The following CDKL5 variants were observed in gnomAD, a reference collection of about 807,000 sequenced individuals.
CDKL5 encodes cyclin dependent kinase like 5, also known as cyclin-dependent kinase-like 5.
In CDKL5, 8 loss-of-function variants were observed where a neutral mutation model predicts 61.7. The observed-to-expected ratio is 0.13, with a 90% confidence interval of 0.08 to 0.23. The LOEUF is 0.23. Among genes scored for constraint, CDKL5 ranks in the 10% least tolerant of loss-of-function variants. The pLI, the probability that CDKL5 is intolerant of heterozygous loss-of-function variation, is 1.00. For missense variants in CDKL5, 440 were observed against 734.5 expected (o/e 0.60, Z 4.63); for synonymous variants, 275 against 272.3 (o/e 1.01, Z -0.10).
intron 9 of CDKL5, among the ~76,000 whole-genome samples, chrX:18,590,925 G>A (rs766546042): frequency 5.4e-5 from 6 of 111,315 alleles, no homozygotes; most frequent in Admixed American, 9.6e-5. Flanking sequence ...ACCTCATCTC[G>A]TACCTATCTC....
chrX:18,489,523 A>G (rs1311944943), intron 1 of CDKL5, among the ~76,000 whole-genome samples: 1 of 110,808 alleles, frequency 9.0e-6, no homozygotes, highest in Non-Finnish European at 1.9e-5. Flanking sequence ...GCATAATAAG[A>G]ACCTTGGTCT....
intron 1 of CDKL5, among the ~76,000 whole-genome samples, chrX:18,465,434 G>A (rs1932379066): frequency 9.0e-6 from 1 of 111,483 alleles, no homozygotes; most frequent in South Asian, 3.7e-4. Context: ...GGGAGGCCGA[G>A]GTGGGCGGAT....
At chrX:18,607,501 A>G (rs1444668789) in intron 12 of CDKL5, among the ~76,000 whole-genome samples, 2 of 112,530 alleles carry the variant, frequency 1.8e-5, no homozygotes, top group Admixed American at 1.9e-4. Flanking sequence ...AATTCCAGGA[A>G]AAGAATTTTT....
Position 18,478,960 on chromosome X carries a change from C to T in CDKL5, c.-162-27975C>T, listed in dbSNP as rs368264094. Among the ~76,000 whole-genome samples the T allele has an allele frequency of 2.4e-4, 27 of 111,462 alleles. 1 individual carries two copies. The highest frequency in any genetic ancestry group is 1.7e-3 in the East Asian group (6 of 3,537). ...TGAACTCCTGACCTCAAGTGATCTGCCTGCCTTGGCCTCCCAAAGTGCTGG... is the reference window on the plus strand; with the variant it reads ...TGAACTCCTGACCTCAAGTGATCTGTCTGCCTTGGCCTCCCAAAGTGCTGG... On this transcript the variant is annotated intron_variant, in intron 1 of 17. Coordinates refer to ENST00000623535, the MANE Select transcript of CDKL5 (RefSeq NM_001323289.2).
intron 1 of CDKL5, among the ~76,000 whole-genome samples, chrX:18,448,261 A>T (rs903669807): frequency 1.8e-5 from 2 of 112,056 alleles, no homozygotes; most frequent in Admixed American, 9.5e-5. Flanking sequence ...ACAGTTGCCA[A>T]TGTGATATAA....
chrX:18,528,016 A>G (rs1923505967), intron 3 of CDKL5, among the ~76,000 whole-genome samples: 1 of 111,252 alleles, frequency 9.0e-6, no homozygotes, highest in South Asian at 3.7e-4. Flanking sequence ...TGTTTTTGTT[A>G]CTGATTTCTA....
chrX:18,648,480 G>T (rs1236559158), intron 20 of CDKL5, among the ~76,000 whole-genome samples: 5 of 110,580 alleles, frequency 4.5e-5, no homozygotes, highest in Non-Finnish European at 9.5e-5. Flanking sequence ...GGGCTCAAGG[G>T]ATCCACCTGC....
In CDKL5 at chrX:18,638,237, T is replaced by A. The variant is rs1435047929; in HGVS notation, c.*9480T>A. ...CAGAGTACCCGAATCAGCTCAGATT[T>A]TTTTTCCTTAATATTGGCAACACTT... On this transcript the variant is annotated 3_prime_UTR_variant, in exon 18 of 18. Transcript: ENST00000623535. The A allele has an allele frequency of 8.9e-6, 1 of 112,250 alleles. No individual in the cohort carries two copies. Among genetic ancestry groups the A allele is most frequent in the Non-Finnish European group, 1.9e-5 (1 of 53,291 alleles). The allele number at this position is 112,250 out of a possible 1,213,427, so 9.3% of individuals were successfully genotyped here.
intron 3 of CDKL5, among the ~76,000 whole-genome samples, chrX:18,544,030 C>T (rs1450407900): frequency 1.8e-5 from 2 of 111,828 alleles, no homozygotes; most frequent in African/African-American, 6.5e-5. Context: ...TAGTGCTTCC[C>T]TGGCCCCAAC....
intron 1 of CDKL5, among the ~76,000 whole-genome samples, chrX:18,445,827 A>G (rs191165868): frequency 3.6e-5 from 4 of 111,339 alleles, no homozygotes; most frequent in Admixed American, 9.6e-5. Context: ...TTTATAAAAT[A>G]AATTACCCAA....
intron 1 of CDKL5, among the ~76,000 whole-genome samples, chrX:18,480,800 C>A (rs1433757965): frequency 9.3e-6 from 1 of 107,931 alleles, no homozygotes; most frequent in Non-Finnish European, 1.9e-5. Context: ...ACATAGCACA[C>A]TTCTTCTTCC....
chrX:18,592,126 G>A (rs969221041), intron 9 of CDKL5, among the ~76,000 whole-genome samples: 6 of 112,339 alleles, frequency 5.3e-5, no homozygotes, highest in African/African-American at 1.9e-4. Context: ...GCTGTATGCC[G>A]GATTCTCTGA....
downstream of CDKL5, chrX:18,641,879 C>T: frequency 1.4e-6 from 1 of 708,121 alleles, no homozygotes; most frequent in South Asian, 2.3e-5. Flanking sequence ...AATTATCTAC[C>T]CAGCACTGCA....
chrX:18,486,151 A>G (rs1320016088), intron 1 of CDKL5, among the ~76,000 whole-genome samples: 1 of 111,383 alleles, frequency 9.0e-6, no homozygotes, highest in Non-Finnish European at 1.9e-5. Context: ...GCATTCACCG[A>G]ACACTCATTT....
At chrX:18,619,326 T>C (rs778363178) in intron 15 of CDKL5, among the ~76,000 whole-genome samples, 14 of 111,046 alleles carry the variant, frequency 1.3e-4, no homozygotes, top group Non-Finnish European at 2.6e-4. Flanking sequence ...TATTTAGTTT[T>C]AATAAATACA....
chrX:18,614,833 G>C (rs1349909236), intron 15 of CDKL5, among the ~76,000 whole-genome samples: 1 of 112,432 alleles, frequency 8.9e-6, no homozygotes, highest in Non-Finnish European at 1.9e-5. Context: ...GAATACAGAA[G>C]TGCAGAAGGA....
intron 20 of CDKL5, among the ~76,000 whole-genome samples, chrX:18,649,314 C>T (rs1360556506): frequency 9.0e-6 from 1 of 111,521 alleles, no homozygotes; most frequent in Non-Finnish European, 1.9e-5. Context: ...TAGCTCTCTG[C>T]AACTCTAACT....
intron 3 of CDKL5, among the ~76,000 whole-genome samples, chrX:18,553,465 CGTGT>C (rs201802099): frequency 0.026 from 2,393 of 90,748 alleles, 27 homozygotes; most frequent in Middle Eastern, 0.035. Context: ...TGTGTGTGTG[CGTGT>C]GTGTGTGTGT....
chrX:18,592,371 A>G (rs1326449329), intron 9 of CDKL5, among the ~76,000 whole-genome samples: 1 of 112,414 alleles, frequency 8.9e-6, no homozygotes, highest in African/African-American at 3.2e-5. Context: ...ATCATTGGGG[A>G]TTCATTAGAG....
Sources: allele counts gnomAD v4.1 joint callset (sites outside exome capture counted in the v4.1 genomes callset), GRCh38; gene constraint gnomAD v4.1.1; transcripts MANE v1.5; gene names NCBI Gene and HGNC (gene_info 2026-07-23, HGNC 2026-07-21).